GRM8: variants seen among roughly 807,000 people sequenced by gnomAD.
GRM8 encodes the protein glutamate metabotropic receptor 8.
A neutral mutation model predicts 87.2 loss-of-function variants in GRM8; 47 were observed. The observed-to-expected ratio is 0.54, with a 90% confidence interval of 0.43 to 0.69. The LOEUF (loss-of-function observed/expected upper bound fraction) is 0.69, where lower values mean the gene tolerates loss of function less well. Among genes scored for constraint, GRM8 ranks in the 30% least tolerant of loss-of-function variants. The pLI, the probability that GRM8 is intolerant of heterozygous loss-of-function variation, is 0.00. For synonymous variants in GRM8, 396 were observed against 404.5 expected (o/e 0.98, Z 0.25); for missense variants, 1,019 against 1,139.2 (o/e 0.89, Z 1.52).
Position 127,005,119 on chromosome 7 carries a change from C to CT in GRM8, c.728-100437dup, listed in dbSNP as rs10531563. Among the ~76,000 whole-genome samples, 701 of 136,340 alleles carry CT rather than the reference C, an allele frequency of 5.1e-3. 4 individuals carry two copies. The highest frequency in any genetic ancestry group is 0.012 in the Middle Eastern group (3 of 256). 89.4% of individuals were successfully genotyped at this position (136,340 alleles called of 152,430 possible). ...TATATTACAACTTTACTGCTAGGAA[C>CT]TTTTTTTTTTTTTTTTTTGGCCTAG... On this transcript the variant is annotated intron_variant, in intron 3 of 10. Coordinates refer to ENST00000339582, the MANE Select transcript of GRM8 (RefSeq NM_000845.3).
At chr7:126,981,724 G>A (rs1811550695) in intron 3 of GRM8, 1 of 152,150 alleles carries the variant, frequency 6.6e-6, no homozygotes, top group South Asian at 2.1e-4. Flanking sequence ...CCCTCTTAGA[G>A]GCCATGGAGT....
chr7:126,606,023 A>C (rs1798308779), intron 8 of GRM8, among the ~76,000 whole-genome samples: 1 of 152,190 alleles, frequency 6.6e-6, no homozygotes, highest in Non-Finnish European at 1.5e-5. Context: ...GAATTTCCCA[A>C]ATCTATTCAA....
In GRM8 at chr7:127,017,537, T is replaced by C. The variant is rs368173669; in HGVS notation, c.727+88959A>G. On this transcript the variant is annotated intron_variant, in intron 3 of 10. Transcript: ENST00000339582. ...CACAAATGACACCAAGTTTTCAAGC[T>C]TAAGTAGCTAGAAGAAGGTGTCATC... Among the ~76,000 whole-genome samples the C allele has an allele frequency of 4.7e-4, 72 of 152,220 alleles. 3 individuals carry two copies. The South Asian group carries it at 0.013, about 27-fold the overall frequency.
At chr7:126,471,725 A>T (rs1301249918) in intron 9 of GRM8, among the ~76,000 whole-genome samples, 3 of 152,026 alleles carry the variant, frequency 2.0e-5, no homozygotes, top group Non-Finnish European at 2.9e-5. Flanking sequence ...CAATTCTGTG[A>T]AGAAAGTCAT....
intron 10 of GRM8, among the ~76,000 whole-genome samples, chr7:126,445,863 T>C (rs1801959765): frequency 6.6e-6 from 1 of 151,980 alleles, no homozygotes; most frequent in African/African-American, 2.4e-5. Flanking sequence ...TACCAAGCTT[T>C]GTAATGCTTC....
chr7:127,199,145 T>A (rs548767955), intron 2 of GRM8, among the ~76,000 whole-genome samples: 1 of 151,204 alleles, frequency 6.6e-6, no homozygotes, highest in Non-Finnish European at 1.5e-5. Flanking sequence ...CCGGCTTTTT[T>A]TTTTCTTTAA....
At chr7:126,959,240 G>A (rs1035644281) in intron 3 of GRM8, among the ~76,000 whole-genome samples, 11 of 152,126 alleles carry the variant, frequency 7.2e-5, no homozygotes, top group African/African-American at 2.7e-4. Context: ...GAGGCAATAA[G>A]GACAGTCTGC....
At chr7:126,891,396 T>C (rs1563287721) in intron 6 of GRM8, among the ~76,000 whole-genome samples, 2 of 151,954 alleles carry the variant, frequency 1.3e-5, no homozygotes, top group Non-Finnish European at 2.9e-5. Context: ...GAATAATCTT[T>C]CTAAGATGGT....
intron 7 of GRM8, among the ~76,000 whole-genome samples, chr7:126,726,299 G>A (rs980812377): frequency 1.3e-5 from 2 of 151,872 alleles, no homozygotes; most frequent in African/African-American, 4.8e-5. Context: ...TTCTTGGAGA[G>A]CAGGCAAGCC....
chr7:126,937,899 G>A lies in GRM8; in HGVS notation c.728-33216C>T, dbSNP rs115311325. Among the ~76,000 whole-genome samples the A allele has an allele frequency of 7.8e-3, 1,186 of 152,212 alleles. 17 individuals carry two copies. The highest frequency in any genetic ancestry group is 0.027 in the African/African-American group (1,121 of 41,508). ...GGTTTGCCTCTTTGGGAAGAAGGTG[G>A]GCATATCCTCTACGTGGGATGAAGG... is the stretch of plus-strand genomic sequence containing the variant. On this transcript the variant is annotated intron_variant, in intron 3 of 10. Coordinates refer to ENST00000339582, the MANE Select transcript of GRM8 (RefSeq NM_000845.3).
chr7:127,069,440 A>T (rs530535654), intron 3 of GRM8, among the ~76,000 whole-genome samples: 4 of 152,242 alleles, frequency 2.6e-5, no homozygotes, highest in Admixed American at 6.5e-5. Flanking sequence ...CTGGGATTAC[A>T]GGCATAAGCC....
chr7:126,844,793 C>T (rs1405417094), intron 6 of GRM8, among the ~76,000 whole-genome samples: 1 of 152,168 alleles, frequency 6.6e-6, no homozygotes, highest in Non-Finnish European at 1.5e-5. Flanking sequence ...AATGATCTCT[C>T]TTACTCTTCT....
chr7:126,505,382 T>C (rs939336811), intron 9 of GRM8, among the ~76,000 whole-genome samples: 7 of 152,068 alleles, frequency 4.6e-5, no homozygotes, highest in African/African-American at 1.2e-4. Context: ...AATTCATAAG[T>C]GTTTTGCCCC....
At chr7:127,174,195 T>C (rs1349115085) in intron 2 of GRM8, among the ~76,000 whole-genome samples, 1 of 152,224 alleles carries the variant, frequency 6.6e-6, no homozygotes, top group African/African-American at 2.4e-5. Flanking sequence ...TCCATTTGTT[T>C]CCCTCTTTCA....
chr7:126,634,826 T>C (rs1801689969), intron 7 of GRM8, among the ~76,000 whole-genome samples: 1 of 152,216 alleles, frequency 6.6e-6, no homozygotes, highest in African/African-American at 2.4e-5. Flanking sequence ...CCTGAGATTT[T>C]AGTGATTTTA....
chr7:126,932,823 A>G (rs1402703672), intron 3 of GRM8, among the ~76,000 whole-genome samples: 1 of 152,202 alleles, frequency 6.6e-6, no homozygotes, highest in East Asian at 1.9e-4. Context: ...ACTCTCAGAA[A>G]TGAATTTGTG....
chr7:126,905,641 G>A (rs939000720), intron 3 of GRM8, among the ~76,000 whole-genome samples: 5 of 152,104 alleles, frequency 3.3e-5, no homozygotes, highest in African/African-American at 1.2e-4. Context: ...ACTGTTATTG[G>A]ATGCCATTAT....
intron 6 of GRM8, among the ~76,000 whole-genome samples, chr7:126,867,588 T>A (rs1028385440): frequency 2.6e-5 from 4 of 151,938 alleles, no homozygotes; most frequent in Non-Finnish European, 5.9e-5. Flanking sequence ...TATTGCAGTA[T>A]CAAAAAAATG....
chr7:127,222,040 C>G (rs1330409431), intron 2 of GRM8, among the ~76,000 whole-genome samples: 2 of 152,122 alleles, frequency 1.3e-5, no homozygotes, highest in Non-Finnish European at 2.9e-5. Context: ...CAGAGAAATG[C>G]CCCCACAGTG....
Sources: allele counts gnomAD v4.1 joint callset (sites outside exome capture counted in the v4.1 genomes callset), GRCh38; gene constraint gnomAD v4.1.1; transcripts MANE v1.5; gene names NCBI Gene and HGNC (gene_info 2026-07-23, HGNC 2026-07-21).